KLF12: variants seen among roughly 807,000 people sequenced by gnomAD.
KLF12 encodes the protein KLF transcription factor 12.
KLF12 carries 9 observed loss-of-function variants against 37.8 expected under a neutral mutation model. The ratio of observed to expected loss-of-function variants is 0.24; its 90% confidence interval spans 0.14 to 0.42. KLF12 has a LOEUF of 0.42. KLF12 is among the 10% of genes least tolerant of loss of function. KLF12 has a pLI of 1.00. For missense variants in KLF12, 411 were observed against 516.0 expected, an observed-to-expected ratio of 0.80 and a Z score of 1.97; for synonymous variants, 208 against 202.1, an observed-to-expected ratio of 1.03 and a Z score of -0.25.
the KLF12 span, among the ~76,000 whole-genome samples, chr13:74,146,566 AAT>A: frequency 6.6e-6 from 1 of 152,216 alleles, no homozygotes; most frequent in African/African-American, 2.4e-5. Flanking sequence ...CTATCTGTCT[AAT>A]ATGTTTTCTT....
the KLF12 span, among the ~76,000 whole-genome samples, chr13:74,280,252 C>T: frequency 1.3e-5 from 2 of 152,154 alleles, no homozygotes; most frequent in African/African-American, 4.8e-5. Context: ...AGAAACATGT[C>T]CAAGTTTCCA....
intron 2 of KLF12, chr13:73,962,113 T>A (rs1891039749): frequency 1.2e-5 from 5 of 421,640 alleles, no homozygotes; most frequent in Non-Finnish European, 2.3e-5. Context: ...CTGTGGTACA[T>A]CCAGACAATG....
At chr13:74,126,275 T>C (rs368912421) in intron 1 of KLF12, among the ~76,000 whole-genome samples, 9 of 152,228 alleles carry the variant, frequency 5.9e-5, no homozygotes, top group African/African-American at 1.4e-4. Context: ...CTAATAATTG[T>C]ATGAGATTTT....
intron 3 of KLF12, among the ~76,000 whole-genome samples, chr13:73,862,399 T>C (rs1326000337): frequency 6.6e-6 from 1 of 152,092 alleles, no homozygotes; most frequent in Non-Finnish European, 1.5e-5. Flanking sequence ...GTGCCAGTGG[T>C]TCTAAGGCAT....
intron 6 of KLF12, among the ~76,000 whole-genome samples, chr13:73,722,851 T>C (rs1876371167): frequency 6.6e-6 from 1 of 152,234 alleles, no homozygotes; most frequent in Non-Finnish European, 1.5e-5. Context: ...AAACAAAGTT[T>C]CCTACTAAAC....
chr13:73,841,355 T>G (rs1332058694), intron 4 of KLF12, among the ~76,000 whole-genome samples: 2 of 152,160 alleles, frequency 1.3e-5, no homozygotes, highest in Non-Finnish European at 2.9e-5. Flanking sequence ...AAAAATTAAC[T>G]TGGGCCACAC....
the KLF12 span, among the ~76,000 whole-genome samples, chr13:74,213,492 T>G: frequency 6.6e-6 from 1 of 152,180 alleles, no homozygotes; most frequent in African/African-American, 2.4e-5. Context: ...CAATTTTTTT[T>G]GGCATCTATA....
intron 1 of KLF12, among the ~76,000 whole-genome samples, chr13:74,022,377 G>GT (rs1892862803): frequency 6.6e-6 from 1 of 152,004 alleles, no homozygotes; most frequent in Admixed American, 6.5e-5. Flanking sequence ...CTGTACTTAT[G>GT]TCTATACACA....
Position 73,868,010 on chromosome 13 carries a change from A to G in KLF12, c.124-21637T>C, listed in dbSNP as rs141824525. Among the ~76,000 whole-genome samples, 45 of 145,684 alleles carry G rather than the reference A, an allele frequency of 3.1e-4. No individual in the cohort carries two copies. The East Asian group carries it at 4.4e-3, about 14-fold the overall frequency. ...CACTCCAGCCTGGGCAACAAACAAGAGCGAAACTCCTTCTCAAAAAAAAAA... is the reference window on the plus strand; with the variant it reads ...CACTCCAGCCTGGGCAACAAACAAGGGCGAAACTCCTTCTCAAAAAAAAAA... On this transcript the variant is annotated intron_variant, in intron 3 of 7. Coordinates refer to ENST00000377669, the MANE Select transcript of KLF12 (RefSeq NM_007249.5).
At chr13:74,088,273 T>A (rs941577965) in intron 1 of KLF12, among the ~76,000 whole-genome samples, 1 of 149,626 alleles carries the variant, frequency 6.7e-6, no homozygotes, top group Non-Finnish European at 1.5e-5. Context: ...GGCTATAGCT[T>A]TTTTTTTTTG....
chr13:74,088,947 A>G (rs1421499410), intron 1 of KLF12, among the ~76,000 whole-genome samples: 2 of 152,212 alleles, frequency 1.3e-5, no homozygotes, highest in East Asian at 3.8e-4. Context: ...TGTACTGTAA[A>G]CCACTTTATA....
At chr13:74,093,006 G>C (rs1306284267) in intron 1 of KLF12, among the ~76,000 whole-genome samples, 1 of 152,192 alleles carries the variant, frequency 6.6e-6, no homozygotes, top group Non-Finnish European at 1.5e-5. Context: ...CACTTGAGGG[G>C]AACCAGGTGG....
intron 3 of KLF12, among the ~76,000 whole-genome samples, chr13:73,919,985 T>A (rs1172925078): frequency 1.3e-5 from 2 of 152,190 alleles, no homozygotes; most frequent in African/African-American, 4.8e-5. Flanking sequence ...TTACCCCGCA[T>A]TCCACTGAGA....
At chr13:74,071,276 A>G (rs1158740217) in intron 1 of KLF12, among the ~76,000 whole-genome samples, 1 of 152,242 alleles carries the variant, frequency 6.6e-6, no homozygotes, top group Non-Finnish European at 1.5e-5. Context: ...GTATTTTATT[A>G]AAACCTGAGA....
chr13:74,159,077 G>A, the KLF12 span, among the ~76,000 whole-genome samples: 1 of 152,146 alleles, frequency 6.6e-6, no homozygotes, highest in Non-Finnish European at 1.5e-5. Flanking sequence ...CTACACCTCA[G>A]GAACCTTGAG....
At chr13:73,945,030 C>A (rs1890355819) in intron 2 of KLF12, among the ~76,000 whole-genome samples, 1 of 152,112 alleles carries the variant, frequency 6.6e-6, no homozygotes, top group Non-Finnish European at 1.5e-5. Flanking sequence ...AATGTAACCA[C>A]AGGACACTAA....
the KLF12 span, among the ~76,000 whole-genome samples, chr13:74,256,688 TTG>T: frequency 0.19 from 28,021 of 147,882 alleles, 3,209 homozygotes; most frequent in Non-Finnish European, 0.26. Context: ...TGAGTAGAGC[TTG>T]TGTGTGTGTG....
intron 3 of KLF12, among the ~76,000 whole-genome samples, chr13:73,848,685 C>A (rs887888523): frequency 6.6e-6 from 1 of 151,062 alleles, no homozygotes; most frequent in African/African-American, 2.4e-5. Context: ...TATTAAGAGC[C>A]CCTAGGTACT....
the KLF12 span, among the ~76,000 whole-genome samples, chr13:74,294,461 T>A: frequency 6.6e-6 from 1 of 151,988 alleles, no homozygotes; most frequent in South Asian, 2.1e-4. Flanking sequence ...CTCTGCCCCC[T>A]GGGTTCAAGT....
Sources: allele counts gnomAD v4.1 joint callset (sites outside exome capture counted in the v4.1 genomes callset), GRCh38; gene constraint gnomAD v4.1.1; transcripts MANE v1.5; gene names NCBI Gene and HGNC (gene_info 2026-07-23, HGNC 2026-07-21).